Variants in SPATA6 observed in about 807,000 individuals in gnomAD.
SPATA6 encodes the protein spermatogenesis-associated protein 6.
A neutral mutation model predicts 65.3 loss-of-function variants in SPATA6; 56 were observed. The observed-to-expected ratio is 0.86, with a 90% CI of 0.69 to 1.07. The LOEUF (loss-of-function observed/expected upper bound fraction) is 1.07. Among genes scored for constraint, SPATA6 ranks in the 50% least tolerant of loss-of-function variants. The pLI, the probability that SPATA6 is intolerant of heterozygous loss-of-function variation, is 0.00. For synonymous variants in SPATA6, 199 were observed against 213.2 expected (o/e 0.93, Z 0.58); for missense variants, 590 against 594.8 (o/e 0.99, Z 0.08).
At chr1:48,368,347 G>A (rs1647103268) in intron 9 of SPATA6, among the ~76,000 whole-genome samples, 1 of 152,216 alleles carries the variant, frequency 6.6e-6, no homozygotes, top group Non-Finnish European at 1.5e-5. Context: ...GGTCTGCCTT[G>A]CTAGATTGGG....
chr1:48,368,504 T>G (rs2148849136), intron 9 of SPATA6, among the ~76,000 whole-genome samples: 1 of 152,308 alleles, frequency 6.6e-6, no homozygotes, highest in African/African-American at 2.4e-5. Context: ...CTTTTTATTC[T>G]TTTTCCTCTA....
chr1:48,284,936 C>CA, the SPATA6 span, among the ~76,000 whole-genome samples: 2 of 152,144 alleles, frequency 1.3e-5, no homozygotes, highest in Admixed American at 6.5e-5. Flanking sequence ...GTAGTCTGAC[C>CA]CTTAGCAGAG....
At position 48,437,137 on chromosome 1, in the gene SPATA6, C is replaced by T; in HGVS notation, c.238+14415G>A. ...ACGGTTGCCTCCTGCTTATAACAAGCCATCAATACCATTGCCTCCAGTGTT... is the reference window on the plus strand; with the variant it reads ...ACGGTTGCCTCCTGCTTATAACAAGTCATCAATACCATTGCCTCCAGTGTT... On this transcript the variant is annotated intron_variant, in intron 3 of 12. Coordinates refer to ENST00000371847, the MANE Select transcript of SPATA6 (RefSeq NM_019073.4). 4 of 1,599,720 alleles carry T rather than the reference C, an allele frequency of 2.5e-6. No homozygotes were observed. In the South Asian group the frequency reaches 4.4e-5, roughly 18 times the overall value.
At chr1:48,279,887 C>A in the SPATA6 span, among the ~76,000 whole-genome samples, 3 of 152,170 alleles carry the variant, frequency 2.0e-5, no homozygotes, top group African/African-American at 4.8e-5. Context: ...ACATTCTTTT[C>A]AGCACCACAC....
At chr1:48,450,323 T>C (rs969011067) in intron 3 of SPATA6, among the ~76,000 whole-genome samples, 6 of 132,990 alleles carry the variant, frequency 4.5e-5, no homozygotes, top group African/African-American at 1.7e-4. Flanking sequence ...ATACTAGTGG[T>C]TGGGAAGAGA....
intron 3 of SPATA6, among the ~76,000 whole-genome samples, chr1:48,420,120 T>C (rs1653183019): frequency 6.6e-6 from 1 of 152,078 alleles, no homozygotes; most frequent in Non-Finnish European, 1.5e-5. Flanking sequence ...CAATGGCCAA[T>C]GGTTTAAACA....
chr1:48,276,039 G>C, the SPATA6 span, among the ~76,000 whole-genome samples: 1 of 151,972 alleles, frequency 6.6e-6, no homozygotes, highest in Non-Finnish European at 1.5e-5. Context: ...TCAGGGATTC[G>C]ACTTCTTTCT....
At chr1:48,316,260 T>A (rs543689013) in intron 11 of SPATA6, among the ~76,000 whole-genome samples, 1 of 152,278 alleles carries the variant, frequency 6.6e-6, no homozygotes, top group East Asian at 1.9e-4. Flanking sequence ...GCTGGAGGCA[T>A]CACGCTACCT....
In SPATA6 at chr1:48,298,731, A is replaced by C; in HGVS notation, c.1449T>G (p.His483Gln). 1 of 1,613,090 alleles carries C rather than the reference A, an allele frequency of 6.2e-7. No individual in the cohort carries two copies. Reference sequence around the variant, plus strand: ...GATGGTCTCAGAAGCTTTCCTGTGTATGTGAAGCAGAACTACAGGCCTTTT... The same window carrying C: ...GATGGTCTCAGAAGCTTTCCTGTGTCTGTGAAGCAGAACTACAGGCCTTTT... The part of the protein sequence containing the change: ...LYKKACSSAS[H>Q]TQESF The change falls in exon 13 of 13, where the codon CAT becomes CAG. Residue 483 changes from histidine to glutamine, a missense_variant. By Grantham distance (24) the His-to-Gln change is conservative. Coordinates refer to ENST00000371847, the MANE Select transcript of SPATA6 (RefSeq NM_019073.4).
rs72895144 is a variant in SPATA6 at position 48,411,398 on chromosome 1, A to G, written c.405+66T>C. ...GTTCTTCACATTTAAGATGGCGAGC[A>G]CTATGCGGTGGTTTCTGACAATGAT... On this transcript the variant is annotated intron_variant, in intron 5 of 12. Coordinates refer to ENST00000371847, the MANE Select transcript of SPATA6 (RefSeq NM_019073.4). 12,787 of 1,511,586 alleles carry G rather than the reference A, an allele frequency of 8.5e-3. 310 individuals carry two copies. Among genetic ancestry groups the G allele is most frequent in the African/African-American group, 0.07 (5,038 of 72,104 alleles). 93.6% of individuals were successfully genotyped at this position (1,511,586 alleles called of 1,614,324 possible). A position where few individuals can be genotyped will look rare whatever the true frequency, so the allele number is the denominator to read the frequency against.
At chr1:48,328,446 A>G (rs900220233) in intron 11 of SPATA6, among the ~76,000 whole-genome samples, 1 of 152,206 alleles carries the variant, frequency 6.6e-6, no homozygotes, top group Non-Finnish European at 1.5e-5. Context: ...GAATAAAGTG[A>G]CATGTACTAC....
chr1:48,280,446 A>G, the SPATA6 span, among the ~76,000 whole-genome samples: 1 of 152,188 alleles, frequency 6.6e-6, no homozygotes, highest in Non-Finnish European at 1.5e-5. Flanking sequence ...CAAGACTAAT[A>G]AAGAAGAAAA....
At chr1:48,372,689 G>A (rs770868425) in intron 9 of SPATA6, among the ~76,000 whole-genome samples, 1 of 152,224 alleles carries the variant, frequency 6.6e-6, no homozygotes, top group South Asian at 2.1e-4. Context: ...CTCCGCCCCT[G>A]CAGCAAATTT....
intron 11 of SPATA6, among the ~76,000 whole-genome samples, chr1:48,323,788 A>G (rs1557562746): frequency 6.6e-6 from 1 of 152,220 alleles, no homozygotes; most frequent in African/African-American, 2.4e-5. Flanking sequence ...CGTAAAACTT[A>G]CCAAGATTGA....
chr1:48,332,276 G>A (rs751240953), intron 11 of SPATA6, among the ~76,000 whole-genome samples: 9 of 152,010 alleles, frequency 5.9e-5, no homozygotes, highest in East Asian at 1.9e-4. Context: ...CAATTAAAAC[G>A]CACAAAGTGG....
intron 1 of SPATA6, among the ~76,000 whole-genome samples, chr1:48,458,290 G>C (rs1657159588): frequency 6.6e-6 from 1 of 152,066 alleles, no homozygotes; most frequent in Non-Finnish European, 1.5e-5. Context: ...CCAACCAAAA[G>C]GTATAGATTG....
At chr1:48,318,820 GA>G (rs1253706607) in intron 11 of SPATA6, among the ~76,000 whole-genome samples, 2 of 150,612 alleles carry the variant, frequency 1.3e-5, no homozygotes, top group African/African-American at 5.0e-5. Flanking sequence ...AGTTATTCTT[GA>G]AAAAGAAGAA....
chr1:48,396,537 G>A (rs1650603155), intron 7 of SPATA6, among the ~76,000 whole-genome samples: 1 of 147,110 alleles, frequency 6.8e-6, no homozygotes, highest in South Asian at 2.2e-4. Context: ...AGAGAAGAAT[G>A]AACAAACAAA....
At chr1:48,466,498 T>G (rs1657818167) in intron 1 of SPATA6, among the ~76,000 whole-genome samples, 1 of 151,998 alleles carries the variant, frequency 6.6e-6, no homozygotes, top group South Asian at 2.1e-4. Flanking sequence ...ATTAGTTATT[T>G]TAAGGAAGGT....
Sources: allele counts gnomAD v4.1 joint callset (sites outside exome capture counted in the v4.1 genomes callset), GRCh38; gene constraint gnomAD v4.1.1; transcripts MANE v1.5; gene names NCBI Gene and HGNC (gene_info 2026-07-23, HGNC 2026-07-21).